Variants in NRIP1 observed in about 807,000 individuals in gnomAD.
The protein encoded by NRIP1 is nuclear receptor interacting protein 1.
A neutral mutation model predicts 75.0 loss-of-function variants in NRIP1; 28 were observed. That is an observed-to-expected ratio of 0.37 (90% CI 0.28 to 0.51). The LOEUF is 0.51. Ranked by LOEUF, NRIP1 falls within the 20% of genes least tolerant of loss-of-function variation. The pLI is 0.92. For synonymous variants in NRIP1, 526 were observed against 487.6 expected (o/e 1.08, Z -1.04); for missense variants, 1,435 against 1,343.7 (o/e 1.07, Z -1.06).
intron 2 of NRIP1, among the ~76,000 whole-genome samples, chr21:15,038,052 T>C (rs763733719): frequency 1.2e-4 from 18 of 152,106 alleles, no homozygotes; most frequent in Non-Finnish European, 2.4e-4. Flanking sequence ...ATTATTGACA[T>C]AGTCATAATT....
At chr21:15,007,330 G>C (rs1352418116) in intron 3 of NRIP1, among the ~76,000 whole-genome samples, 2 of 152,182 alleles carry the variant, frequency 1.3e-5, no homozygotes, top group Non-Finnish European at 2.9e-5. Context: ...GACAGCTCTG[G>C]AAACAATGAA....
At chr21:15,065,192 G>A (rs1008945196), upstream of NRIP1, among the ~76,000 whole-genome samples, 1 of 152,032 alleles carries the variant, frequency 6.6e-6, no homozygotes, top group Non-Finnish European at 1.5e-5. Flanking sequence ...CGCGGATCCG[G>A]GCGGCTCACA....
chr21:15,033,583 T>C (rs1348495725), intron 2 of NRIP1, among the ~76,000 whole-genome samples: 1 of 152,256 alleles, frequency 6.6e-6, no homozygotes, highest in Non-Finnish European at 1.5e-5. Context: ...ACTTTCAACA[T>C]GGAATGTAAG....
At chr21:15,010,421 C>T (rs553189606) in intron 3 of NRIP1, among the ~76,000 whole-genome samples, 4 of 149,838 alleles carry the variant, frequency 2.7e-5, no homozygotes, top group African/African-American at 4.9e-5. Flanking sequence ...ATGGAGGCTT[C>T]GCATATAGCG....
chr21:14,968,342 G>T lies in NRIP1; in HGVS notation c.-150C>A, dbSNP rs1358574071. On this transcript the variant is annotated 5_prime_UTR_variant, in exon 4 of 4. Transcript: ENST00000318948. ...AGACGTACTGTTACATTCTGTCCAA[G>T]ATTTCTTCTGGCAATGACAAGATAA... 3.2e-6 allele frequency: 2 copies of T among 627,280 alleles called. No homozygotes were observed. Among genetic ancestry groups the T allele is most frequent in the Admixed American group, 3.1e-5 (1 of 31,938 alleles). 38.9% of individuals were successfully genotyped at this position (627,280 alleles called of 1,614,324 possible).
In NRIP1 at chr21:14,967,609, T is replaced by C. The variant is rs1033801188; in HGVS notation, c.584A>G (p.Lys195Arg). The C allele has an allele frequency of 5.0e-6, 8 of 1,613,656 alleles. No individual in the cohort carries two copies. In the Admixed American group the frequency reaches 1.2e-4, roughly 24 times the overall value. ...LKTLLKKSKV[K>R]DQKPDTNLPD... is the part of the protein sequence containing the mutation. ...AAGATTCGTATCAGGCTTTTGATCTTTAACTTTACTTTTCTTCAACAAAGT... is the reference window on the plus strand; with the variant it reads ...AAGATTCGTATCAGGCTTTTGATCTCTAACTTTACTTTTCTTCAACAAAGT... Residue 195 changes from lysine (K) to arginine (R), a missense_variant, in exon 4 of 4, where the codon AAA becomes AGA. Coordinates refer to ENST00000318948, the MANE Select transcript of NRIP1 (RefSeq NM_003489.4).
intron 2 of NRIP1, among the ~76,000 whole-genome samples, chr21:15,017,141 A>C (rs1266204945): frequency 1.3e-5 from 2 of 152,180 alleles, no homozygotes; most frequent in African/African-American, 4.8e-5. Flanking sequence ...AAACCCTACA[A>C]ACTGGCATAT....
intron 2 of NRIP1, 135 bp from the exon 3 acceptor site, chr21:15,014,601 A>G: frequency 2.5e-6 from 1 of 395,872 alleles, no homozygotes; most frequent in Non-Finnish European, 4.5e-6. Context: ...ACAGAAAAAT[A>G]TCAATTGTTT....
At chr21:14,984,251 G>A (rs1050282202) in intron 3 of NRIP1, among the ~76,000 whole-genome samples, 2 of 152,130 alleles carry the variant, frequency 1.3e-5, no homozygotes, top group Admixed American at 6.6e-5. Flanking sequence ...GACTTCAGTG[G>A]AAGAAGCAAC....
rs1568934822 is a variant in NRIP1, at chr21:14,965,011, A to C, written c.3182T>G (p.Leu1061Trp). 5 of 1,613,958 alleles carry C rather than the reference A, an allele frequency of 3.1e-6. No homozygotes were observed. In the African/African-American group the frequency reaches 5.3e-5, roughly 17 times the overall value. Residue 1061 changes from leucine (L) to tryptophan (W), a missense_variant, in exon 4 of 4, where the codon TTG (leucine) becomes TGG (tryptophan). Coordinates refer to ENST00000318948, the MANE Select transcript of NRIP1 (RefSeq NM_003489.4). Reference sequence around the variant, plus strand: ...ATATAGTATTGGGTTGGTTTTGGTCAATCTTGGAGAGTCTTTTTCATACTC... The same window carrying C: ...ATATAGTATTGGGTTGGTTTTGGTCCATCTTGGAGAGTCTTTTTCATACTC... ...KNEYEKDSPR[L>W]TKTNPILYYM...
intron 3 of NRIP1, among the ~76,000 whole-genome samples, chr21:15,013,420 C>T (rs2088156758): frequency 6.6e-6 from 1 of 152,130 alleles, no homozygotes; most frequent in South Asian, 2.1e-4. Context: ...AGTTGCCATT[C>T]CCTTTTTGAA....
intron 2 of NRIP1, among the ~76,000 whole-genome samples, chr21:15,032,331 C>T (rs1040419696): frequency 6.6e-6 from 1 of 152,188 alleles, no homozygotes; most frequent in Non-Finnish European, 1.5e-5. Flanking sequence ...CTTGTACTAT[C>T]AAGTAACTTA....
intron 2 of NRIP1, among the ~76,000 whole-genome samples, chr21:15,042,248 A>C (rs2088971330): frequency 6.6e-6 from 1 of 152,222 alleles, no homozygotes; most frequent in African/African-American, 2.4e-5. Context: ...CTTAACAAAT[A>C]CATTATTTTA....
intron 3 of NRIP1, among the ~76,000 whole-genome samples, chr21:15,011,880 T>C (rs2147163005): frequency 6.6e-6 from 1 of 152,328 alleles, no homozygotes; most frequent in African/African-American, 2.4e-5. Context: ...ATGATGATTG[T>C]ATCTCTTTCA....
intron 2 of NRIP1, among the ~76,000 whole-genome samples, chr21:15,026,774 G>A (rs1014351741): frequency 2.0e-5 from 3 of 151,862 alleles, no homozygotes; most frequent in Admixed American, 6.6e-5. Context: ...ATATTGCCCA[G>A]GAGTGGAAAT....
chr21:14,965,770 G>C lies in NRIP1; in HGVS notation c.2423C>G (p.Pro808Arg). 1.2e-6 allele frequency: 2 copies of C among 1,613,990 alleles called. No individual in the cohort carries two copies. The highest frequency in any genetic ancestry group is 8.5e-7 in the Non-Finnish European group (1 of 1,179,956). The change falls in exon 4 of 4, where the codon CCT becomes CGT. Residue 808 changes from proline to arginine, a missense_variant. Pro to Arg is a moderately radical substitution (Grantham distance 103). Coordinates refer to ENST00000318948, the MANE Select transcript of NRIP1 (RefSeq NM_003489.4). ...ATTCTTGGAGAAAGAAAAATCCTGAGGTGAAACAGGCTCCGATTTAAAGTC... is the reference window on the plus strand; with the variant it reads ...ATTCTTGGAGAAAGAAAAATCCTGACGTGAAACAGGCTCCGATTTAAAGTC... ...SEDFKSEPVSPQDFSFSKNGL... is the reference protein window; with the variant it reads ...SEDFKSEPVSRQDFSFSKNGL...
upstream of NRIP1, chr21:15,065,015 G>T: frequency 2.6e-5 from 4 of 154,082 alleles, no homozygotes; most frequent in South Asian, 7.2e-4. Context: ...GGCTGACTTT[G>T]AGCGCCTCGC....
intron 1 of NRIP1, among the ~76,000 whole-genome samples, chr21:15,048,657 A>G (rs985349487): frequency 2.6e-5 from 4 of 152,252 alleles, no homozygotes; most frequent in African/African-American, 9.6e-5. Context: ...ATAAAATTTA[A>G]CCTTATTTTG....
rs2086629621 is a variant in NRIP1 at position 14,962,973 on chromosome 21, G to A, written c.*1743C>T. ...TTCACAATTAAGAACAAAATATCTGGTGAATGAATTGTGGATTGTACAAAC... is the reference window on the plus strand; with the variant it reads ...TTCACAATTAAGAACAAAATATCTGATGAATGAATTGTGGATTGTACAAAC... On this transcript the variant is annotated 3_prime_UTR_variant, in exon 4 of 4. Transcript: ENST00000318948. 1 of 152,332 alleles carries A rather than the reference G, an allele frequency of 6.6e-6. No individual in the cohort carries two copies. Among genetic ancestry groups the A allele is most frequent in the African/African-American group, 2.4e-5 (1 of 41,408 alleles). The allele number at this position is 152,332 out of a possible 1,614,324, so 9.4% of individuals were successfully genotyped here.
Sources: allele counts gnomAD v4.1 joint callset (sites outside exome capture counted in the v4.1 genomes callset), GRCh38; gene constraint gnomAD v4.1.1; transcripts MANE v1.5; gene names NCBI Gene and HGNC (gene_info 2026-07-23, HGNC 2026-07-21).